C19orf85: variants seen among roughly 807,000 people sequenced by gnomAD.
C19orf85 encodes the protein uncharacterized protein C19orf85.
chr19:55,464,420 C>T lies in C19orf85; in HGVS notation c.135G>A (p.Arg45=). Residue 45 remains arginine, a synonymous_variant, in exon 1 of 2, where the codon CGG becomes CGA. Transcript: ENST00000635964. The part of the protein sequence containing the change: ...QPRRTRPPKR[R]PNHRRFLHNQ... ...TGTGCAGAAACCTTCTGTGGTTGGG[C>T]CGCCTCTTGGGGGGCCGGGTGCGCC... is the stretch of plus-strand genomic sequence containing the variant. The T allele has an allele frequency of 2.5e-6, 1 of 398,432 alleles. No individual in the cohort carries two copies. Among genetic ancestry groups the T allele is most frequent in the Non-Finnish European group, 4.4e-6 (1 of 225,918 alleles). 24.7% of individuals were successfully genotyped at this position (398,432 alleles called of 1,614,324 possible).
In C19orf85 at chr19:55,463,218, G is replaced by C. The variant is rs1471723576; in HGVS notation, c.*254C>G. 1.3e-5 allele frequency: 5 copies of C among 387,024 alleles called. No homozygotes were observed. The highest frequency in any genetic ancestry group is 2.3e-5 in the Non-Finnish European group (5 of 219,132). The allele number at this position is 387,024 out of a possible 1,614,324, so 24.0% of individuals were successfully genotyped here. ...CAGAGGTGAGCCTGGGTGAGAGTGA[G>C]GGGTGGATGCCCAGATGGGGCTAGG... On this transcript the variant is annotated 3_prime_UTR_variant, in exon 2 of 2. Transcript: ENST00000635964. This position sits in a 1 kb window ranked among gnomAD's most constrained non-coding sequence, Gnocchi z 4.9.
rs1986324913 is a variant in C19orf85 at position 55,464,468 on chromosome 19, G to A, written c.87C>T (p.His29=). The A allele has an allele frequency of 2.5e-6, 1 of 398,190 alleles. No individual in the cohort carries two copies. The highest frequency in any genetic ancestry group is 4.4e-5 in the Admixed American group (1 of 22,708). 24.7% of individuals were successfully genotyped at this position (398,190 alleles called of 1,614,324 possible). A position where few individuals can be genotyped will look rare whatever the true frequency, so the allele number is the denominator to read the frequency against. The change falls in exon 1 of 2, where the codon CAC becomes CAT. Residue 29 remains histidine, a synonymous_variant. Transcript: ENST00000635964. The stretch of plus-strand genomic sequence containing the variant: ...GCCGGGGCTGCAGGGCCCGCAGCAT[G>A]TGGGCGGCCGCCCCGCTCACAAAGG... The part of the protein sequence containing the change: ...LCAFVSGAAA[H]MLRALQPRRT...
Position 55,464,473 on chromosome 19 carries a change from C to T in C19orf85, c.82G>A (p.Ala28Thr), listed in dbSNP as rs1040238064. The change falls in exon 1 of 2, where the codon GCC becomes ACC. Residue 28 changes from alanine (A) to threonine (T), a missense_variant. Transcript: ENST00000635964. ...ELCAFVSGAAAHMLRALQPRR... is the reference protein window; with the variant it reads ...ELCAFVSGAATHMLRALQPRR... Reference sequence around the variant, plus strand: ...GGCTGCAGGGCCCGCAGCATGTGGGCGGCCGCCCCGCTCACAAAGGCACAC... The same window carrying T: ...GGCTGCAGGGCCCGCAGCATGTGGGTGGCCGCCCCGCTCACAAAGGCACAC... The T allele has an allele frequency of 1.8e-5, 7 of 398,176 alleles. No homozygotes were observed. Among genetic ancestry groups the T allele is most frequent in the Admixed American group, 8.8e-5 (2 of 22,710 alleles). The allele number at this position is 398,176 out of a possible 1,614,324, so 24.7% of individuals were successfully genotyped here.
rs1181088119 is a variant in C19orf85, at chr19:55,463,383, A to G, written c.*89T>C. ...CCAGGGGCTGCCAGGAAGGGAGTGG[A>G]CAGGTTGGGGGCTCCTGGAGAGGGC... On this transcript the variant is annotated 3_prime_UTR_variant, in exon 2 of 2. Coordinates refer to ENST00000635964, the MANE Select transcript of C19orf85 (RefSeq NM_001386794.1). This position sits in a 1 kb window ranked among gnomAD's most constrained non-coding sequence, Gnocchi z 4.9. 5.0e-6 allele frequency: 2 copies of G among 398,848 alleles called. No homozygotes were observed. The highest frequency in any genetic ancestry group is 8.8e-6 in the Non-Finnish European group (2 of 226,426). The allele number at this position is 398,848 out of a possible 1,614,324, so 24.7% of individuals were successfully genotyped here.
In C19orf85 at chr19:55,463,232, G is replaced by C; in HGVS notation, c.*240C>G. On this transcript the variant is annotated 3_prime_UTR_variant, in exon 2 of 2. Transcript: ENST00000635964. The surrounding 1 kb of genome is among the most constrained non-coding windows in gnomAD (Gnocchi z 4.9). ...GGTGAGAGTGAGGGGTGGATGCCCA[G>C]ATGGGGCTAGGCAGAAGGAAGGGGG... The C allele has an allele frequency of 2.6e-6, 1 of 392,142 alleles. No individual in the cohort carries two copies. Among genetic ancestry groups the C allele is most frequent in the African/African-American group, 2.1e-5 (1 of 48,670 alleles). The allele number at this position is 392,142 out of a possible 1,614,324, so 24.3% of individuals were successfully genotyped here.
Position 55,463,735 on chromosome 19 carries a change from G to A in C19orf85, c.406C>T (p.Pro136Ser), listed in dbSNP as rs1986307771. 7.5e-6 allele frequency: 3 copies of A among 398,872 alleles called. No individual in the cohort carries two copies. The highest frequency in any genetic ancestry group is 1.3e-5 in the Non-Finnish European group (3 of 226,224). The allele number at this position is 398,872 out of a possible 1,614,324, so 24.7% of individuals were successfully genotyped here. Residue 136 changes from proline to serine, a missense_variant, in exon 2 of 2, where the codon CCA (proline) becomes TCA (serine). Physicochemically the swap from Pro to Ser is moderately conservative, Grantham distance 74 (BLOSUM62 -1). Transcript: ENST00000635964. This position sits in a 1 kb window ranked among gnomAD's most constrained non-coding sequence, Gnocchi z 4.9. ...TCCCATGGCATTGAGGCACACTCTG[G>A]GGTGAGCGCAATGTTGTCAAAGAGG... The part of the protein sequence containing the change: ...LDLFDNIALT[P>S]ECASMPWDPS...
Position 55,463,930 on chromosome 19 carries a change from C to T in C19orf85, c.211G>A (p.Ala71Thr), listed in dbSNP as rs989993631. 1.8e-5 allele frequency: 7 copies of T among 398,646 alleles called. No individual in the cohort carries two copies. Among genetic ancestry groups the T allele is most frequent in the African/African-American group, 1.2e-4 (6 of 48,576 alleles). 24.7% of individuals were successfully genotyped at this position (398,646 alleles called of 1,614,324 possible). The change falls in exon 2 of 2, where the codon GCC (alanine) becomes ACC (threonine). Residue 71 changes from alanine to threonine, a missense_variant. Ala to Thr is a moderately conservative substitution (Grantham distance 58). Coordinates refer to ENST00000635964, the MANE Select transcript of C19orf85 (RefSeq NM_001386794.1). The surrounding 1 kb of genome is among the most constrained non-coding windows in gnomAD (Gnocchi z 4.9). ...GCCTCCTGGGACAGGATGGAGAGGG[C>T]CAGGCGCTGGGTGGCAGCCTCAATC... ...TKIEAATQRLALSILSQEAPP... is the reference protein window; with the variant it reads ...TKIEAATQRLTLSILSQEAPP...
At position 55,463,440 on chromosome 19, in the gene C19orf85, G is replaced by C. The variant is rs1599888499; in HGVS notation, c.*32C>G. 4 of 398,502 alleles carry C rather than the reference G, an allele frequency of 1.0e-5. No homozygotes were observed. In the East Asian group the frequency reaches 1.4e-4, roughly 14 times the overall value. The allele number at this position is 398,502 out of a possible 1,614,324, so 24.7% of individuals were successfully genotyped here. ...GCCGTCGTGGAGGGGCCTCTGGCTT[G>C]TCCTGGGTTCTGGGCTGGGTTGTGA... On this transcript the variant is annotated 3_prime_UTR_variant, in exon 2 of 2. Coordinates refer to ENST00000635964, the MANE Select transcript of C19orf85 (RefSeq NM_001386794.1). This position sits in a 1 kb window ranked among gnomAD's most constrained non-coding sequence, Gnocchi z 4.9.
chr19:55,463,840 C>T lies in C19orf85; in HGVS notation c.301G>A (p.Ala101Thr), dbSNP rs1038556434. Reference protein sequence around the residue: ...PPPPSPFLGVACAVAPTEAPH... With the variant: ...PPPPSPFLGVTCAVAPTEAPH... ...GCCTCAGTGGGGGCCACAGCACAGG[C>T]CACTCCCAGGAAGGGGGATGGAGGC... is the stretch of plus-strand genomic sequence containing the variant. The change falls in exon 2 of 2, where the codon GCC (alanine) becomes ACC (threonine). Residue 101 changes from alanine to threonine, a missense_variant. Transcript: ENST00000635964. This position sits in a 1 kb window ranked among gnomAD's most constrained non-coding sequence, Gnocchi z 4.9. 7.5e-6 allele frequency: 3 copies of T among 399,016 alleles called. No homozygotes were observed. The highest frequency in any genetic ancestry group is 4.1e-5 in the African/African-American group (2 of 48,616). 24.7% of individuals were successfully genotyped at this position (399,016 alleles called of 1,614,324 possible).
At position 55,463,241 on chromosome 19, in the gene C19orf85, A is replaced by G; in HGVS notation, c.*231T>C. On this transcript the variant is annotated 3_prime_UTR_variant, in exon 2 of 2. Transcript: ENST00000635964. This position sits in a 1 kb window ranked among gnomAD's most constrained non-coding sequence, Gnocchi z 4.9. Reference sequence around the variant, plus strand: ...GAGGGGTGGATGCCCAGATGGGGCTAGGCAGAAGGAAGGGGGAAGGCAGGA... The same window carrying G: ...GAGGGGTGGATGCCCAGATGGGGCTGGGCAGAAGGAAGGGGGAAGGCAGGA... The G allele has an allele frequency of 2.5e-6, 1 of 393,484 alleles. No homozygotes were observed. The allele number at this position is 393,484 out of a possible 1,614,324, so 24.4% of individuals were successfully genotyped here.
chr19:55,464,422 G>T lies in C19orf85; in HGVS notation c.133C>A (p.Arg45=). ...TGCAGAAACCTTCTGTGGTTGGGCC[G>T]CCTCTTGGGGGGCCGGGTGCGCCGG... ...QPRRTRPPKR[R]PNHRRFLHNQ... is the part of the protein sequence containing the mutation. Residue 45 remains arginine, a synonymous_variant, in exon 1 of 2, where the codon CGG becomes AGG. Coordinates refer to ENST00000635964, the MANE Select transcript of C19orf85 (RefSeq NM_001386794.1). The T allele has an allele frequency of 2.5e-6, 1 of 398,394 alleles. No homozygotes were observed. Among genetic ancestry groups the T allele is most frequent in the Non-Finnish European group, 4.4e-6 (1 of 225,902 alleles). The allele number at this position is 398,394 out of a possible 1,614,324, so 24.7% of individuals were successfully genotyped here. A position where few individuals can be genotyped will look rare whatever the true frequency, so the allele number is the denominator to read the frequency against.
rs1417940093 is a variant in C19orf85, at chr19:55,464,427, T to A, written c.128A>T (p.Lys43Met). 1 of 398,266 alleles carries A rather than the reference T, an allele frequency of 2.5e-6. No individual in the cohort carries two copies. Among genetic ancestry groups the A allele is most frequent in the African/African-American group, 2.1e-5 (1 of 48,614 alleles). The allele number at this position is 398,266 out of a possible 1,614,324, so 24.7% of individuals were successfully genotyped here. A position where few individuals can be genotyped will look rare whatever the true frequency, so the allele number is the denominator to read the frequency against. Residue 43 changes from lysine to methionine, a missense_variant, in exon 1 of 2, where the codon AAG (lysine) becomes ATG (methionine). Coordinates refer to ENST00000635964, the MANE Select transcript of C19orf85 (RefSeq NM_001386794.1). Reference protein sequence around the residue: ...ALQPRRTRPPKRRPNHRRFLH... With the variant: ...ALQPRRTRPPMRRPNHRRFLH... ...AAACCTTCTGTGGTTGGGCCGCCTC[T>A]TGGGGGGCCGGGTGCGCCGGGGCTG... is the stretch of plus-strand genomic sequence containing the variant.
In C19orf85 at chr19:55,464,371, A is replaced by G; in HGVS notation, c.173+11T>C. The stretch of plus-strand genomic sequence containing the variant: ...CCGTCCCGTGCCCACCTTCCCCACC[A>G]GCCCCCTCACCTGCAGATCTGGTTG... On this transcript the variant is annotated intron_variant, in intron 1 of 1. Transcript: ENST00000635964. 2.5e-6 allele frequency: 1 copy of G among 398,024 alleles called. No homozygotes were observed. Among genetic ancestry groups the G allele is most frequent in the Non-Finnish European group, 4.4e-6 (1 of 225,850 alleles). The allele number at this position is 398,024 out of a possible 1,614,324, so 24.7% of individuals were successfully genotyped here. A position where few individuals can be genotyped will look rare whatever the true frequency, so the allele number is the denominator to read the frequency against.
chr19:55,463,255 G>C lies in C19orf85; in HGVS notation c.*217C>G. ...CAGATGGGGCTAGGCAGAAGGAAGG[G>C]GGAAGGCAGGAAAGCAAGAAGAGGT... is the stretch of plus-strand genomic sequence containing the variant. On this transcript the variant is annotated 3_prime_UTR_variant, in exon 2 of 2. Coordinates refer to ENST00000635964, the MANE Select transcript of C19orf85 (RefSeq NM_001386794.1). This position sits in a 1 kb window ranked among gnomAD's most constrained non-coding sequence, Gnocchi z 4.9. 2.5e-6 allele frequency: 1 copy of C among 396,594 alleles called. No individual in the cohort carries two copies. The highest frequency in any genetic ancestry group is 4.4e-6 in the Non-Finnish European group (1 of 225,362). The allele number at this position is 396,594 out of a possible 1,614,324, so 24.6% of individuals were successfully genotyped here. A position where few individuals can be genotyped will look rare whatever the true frequency, so the allele number is the denominator to read the frequency against.
chr19:55,463,567 C>A lies in C19orf85; in HGVS notation c.574G>T (p.Val192Leu). 2 of 398,634 alleles carry A rather than the reference C, an allele frequency of 5.0e-6. No individual in the cohort carries two copies. The highest frequency in any genetic ancestry group is 8.8e-6 in the Non-Finnish European group (2 of 226,106). The allele number at this position is 398,634 out of a possible 1,614,324, so 24.7% of individuals were successfully genotyped here. A position where few individuals can be genotyped will look rare whatever the true frequency, so the allele number is the denominator to read the frequency against. ...TCCACCCAACCCCAGTCGGGAGCCA[C>A]GAGATCAGCCTCTTCCCCCAGGGCA... is the stretch of plus-strand genomic sequence containing the variant. ...QHALGEEADL[V>L]APDWGWVDCW... Residue 192 changes from valine to leucine, a missense_variant, in exon 2 of 2, where the codon GTG becomes TTG. Val to Leu is a conservative substitution (Grantham distance 32). Coordinates refer to ENST00000635964, the MANE Select transcript of C19orf85 (RefSeq NM_001386794.1). The surrounding 1 kb of genome is among the most constrained non-coding windows in gnomAD (Gnocchi z 4.9).
chr19:55,463,422 T>C lies in C19orf85; in HGVS notation c.*50A>G, dbSNP rs954458137. On this transcript the variant is annotated 3_prime_UTR_variant, in exon 2 of 2. Coordinates refer to ENST00000635964, the MANE Select transcript of C19orf85 (RefSeq NM_001386794.1). This position sits in a 1 kb window ranked among gnomAD's most constrained non-coding sequence, Gnocchi z 4.9. ...CCTGGAGAGGGCTGTAGAGCCGTCGTGGAGGGGCCTCTGGCTTGTCCTGGG... is the reference window on the plus strand; with the variant it reads ...CCTGGAGAGGGCTGTAGAGCCGTCGCGGAGGGGCCTCTGGCTTGTCCTGGG... 3 of 398,696 alleles carry C rather than the reference T, an allele frequency of 7.5e-6. No homozygotes were observed. Among genetic ancestry groups the C allele is most frequent in the African/African-American group, 6.2e-5 (3 of 48,632 alleles). The allele number at this position is 398,696 out of a possible 1,614,324, so 24.7% of individuals were successfully genotyped here. A position where few individuals can be genotyped will look rare whatever the true frequency, so the allele number is the denominator to read the frequency against.
Position 55,463,405 on chromosome 19 carries a change from G to A in C19orf85, c.*67C>T, listed in dbSNP as rs1986299827. 1 of 398,978 alleles carries A rather than the reference G, an allele frequency of 2.5e-6. No homozygotes were observed. Among genetic ancestry groups the A allele is most frequent in the Non-Finnish European group, 4.4e-6 (1 of 226,318 alleles). The allele number at this position is 398,978 out of a possible 1,614,324, so 24.7% of individuals were successfully genotyped here. On this transcript the variant is annotated 3_prime_UTR_variant, in exon 2 of 2. Coordinates refer to ENST00000635964, the MANE Select transcript of C19orf85 (RefSeq NM_001386794.1). The surrounding 1 kb of genome is among the most constrained non-coding windows in gnomAD (Gnocchi z 4.9). ...TGGACAGGTTGGGGGCTCCTGGAGA[G>A]GGCTGTAGAGCCGTCGTGGAGGGGC... is the stretch of plus-strand genomic sequence containing the variant.
chr19:55,464,719 G>A lies in C19orf85; in HGVS notation c.-165C>T, dbSNP rs371946156. On this transcript the variant is annotated 5_prime_UTR_variant, in exon 1 of 2. Transcript: ENST00000635964. ...GGCCTCCCCACTGTGCCCTAACCCT[G>A]TCCCCACCTCCCAGGAGCCCGACCT... 1.2e-4 allele frequency: 46 copies of A among 396,524 alleles called. No homozygotes were observed. The highest frequency in any genetic ancestry group is 6.8e-4 in the African/African-American group (33 of 48,692). 24.6% of individuals were successfully genotyped at this position (396,524 alleles called of 1,614,324 possible). A position where few individuals can be genotyped will look rare whatever the true frequency, so the allele number is the denominator to read the frequency against.
intron 1 of C19orf85, 76 bp downstream of exon 1, chr19:55,464,306 T>TC (rs1240853606): frequency 2.5e-6 from 1 of 398,062 alleles, no homozygotes. Flanking sequence ...GTACCTGGTC[T>TC]CCCCCAGCCA....
Sources: gnomAD v4.1 joint callset for allele counts on GRCh38, gnomAD v4.1.1 for gene constraint, Gnocchi (gnomAD v3.1) non-coding constraint, MANE v1.5 for transcripts, NCBI Gene and HGNC (gene_info 2026-07-23, HGNC 2026-07-21) for gene names.